KREMEN1: variants seen among roughly 807,000 people sequenced by gnomAD.
KREMEN1 encodes kremen protein 1.
In KREMEN1, 30 loss-of-function variants were observed where a neutral mutation model predicts 46.5. That is an observed-to-expected ratio of 0.65 (90% CI 0.48 to 0.88). The LOEUF (loss-of-function observed/expected upper bound fraction) is 0.88, where lower values mean the gene tolerates loss of function less well. Among genes scored for constraint, KREMEN1 ranks in the 40% least tolerant of loss-of-function variants. The pLI is 0.00. For missense variants in KREMEN1, 533 were observed against 596.9 expected (o/e 0.89, Z 1.11); for synonymous variants, 214 against 230.6 (o/e 0.93, Z 0.65).
In KREMEN1 at chr22:29,143,539, G is replaced by A. The variant is rs574402671; in HGVS notation, c.*1427G>A. Reference sequence around the variant, plus strand: ...GGGTGGATCACGAGGTCAGGTGATCGAAACCATCCTGGCTAAGATGGTGAA... The same window carrying A: ...GGGTGGATCACGAGGTCAGGTGATCAAAACCATCCTGGCTAAGATGGTGAA... On this transcript the variant is annotated 3_prime_UTR_variant, in exon 9 of 9. Coordinates refer to ENST00000400335, the MANE Select transcript of KREMEN1 (RefSeq NM_001039570.3). 6.8e-5 allele frequency: 58 copies of A among 855,940 alleles called. No homozygotes were observed. Among genetic ancestry groups the A allele is most frequent in the East Asian group, 4.9e-4 (4 of 8,152 alleles). The allele number at this position is 855,940 out of a possible 1,614,324, so 53.0% of individuals were successfully genotyped here. A position where few individuals can be genotyped will look rare whatever the true frequency, so the allele number is the denominator to read the frequency against.
chr22:29,143,454 C>A lies in KREMEN1; in HGVS notation c.*1342C>A. The stretch of plus-strand genomic sequence containing the variant: ...CCCCCGTGTTAAAAGATAAAAAACA[C>A]CCCAAGGGCCGGGCGCGGTGGCTCA... On this transcript the variant is annotated 3_prime_UTR_variant, in exon 9 of 9. Coordinates refer to ENST00000400335, the MANE Select transcript of KREMEN1 (RefSeq NM_001039570.3). 1 of 985,228 alleles carries A rather than the reference C, an allele frequency of 1.0e-6. No individual in the cohort carries two copies. Among genetic ancestry groups the A allele is most frequent in the Non-Finnish European group, 1.2e-6 (1 of 829,966 alleles). The allele number at this position is 985,228 out of a possible 1,614,324, so 61.0% of individuals were successfully genotyped here.
chr22:29,084,392 C>T (rs1019203227), intron 1 of KREMEN1, among the ~76,000 whole-genome samples: 1 of 152,146 alleles, frequency 6.6e-6, no homozygotes, highest in Admixed American at 6.5e-5. Context: ...TGGAGTGGCT[C>T]TGACTCAAAT....
rs2038866862 is a variant in KREMEN1, at chr22:29,146,520, C to T, written c.*4408C>T. The T allele has an allele frequency of 2.0e-6, 2 of 985,616 alleles. No individual in the cohort carries two copies. The highest frequency in any genetic ancestry group is 4.7e-5 in the South Asian group (1 of 21,288). 61.1% of individuals were successfully genotyped at this position (985,616 alleles called of 1,614,324 possible). ...TCCCCGCCCGCACGGGAGCTGCCATCGTGGGTCTCATGCACGTCAAGACCT... is the reference window on the plus strand; with the variant it reads ...TCCCCGCCCGCACGGGAGCTGCCATTGTGGGTCTCATGCACGTCAAGACCT... On this transcript the variant is annotated 3_prime_UTR_variant, in exon 9 of 9. Coordinates refer to ENST00000400335, the MANE Select transcript of KREMEN1 (RefSeq NM_001039570.3).
At chr22:29,092,240 G>A (rs1180389679) in intron 1 of KREMEN1, among the ~76,000 whole-genome samples, 1 of 152,216 alleles carries the variant, frequency 6.6e-6, no homozygotes, top group Admixed American at 6.5e-5. Flanking sequence ...CGAATCGGAA[G>A]TGGAGTGAGG....
chr22:29,163,457 A>G (rs931190143), intron 9 of KREMEN1, among the ~76,000 whole-genome samples: 2 of 151,704 alleles, frequency 1.3e-5, no homozygotes, highest in African/African-American at 4.8e-5. Context: ...GGCTCACTGC[A>G]ATATCCGCCT....
Position 29,144,419 on chromosome 22 carries a change from C to G in KREMEN1, c.*2307C>G. On this transcript the variant is annotated 3_prime_UTR_variant, in exon 9 of 9. Transcript: ENST00000400335. ...AGGCAGGCAGGGGCAGGACTGCCAC[C>G]CCAGGCCCCGTGGGAGGCCTGCTGA... The G allele has an allele frequency of 1.0e-6, 1 of 985,582 alleles. No homozygotes were observed. Among genetic ancestry groups the G allele is most frequent in the Non-Finnish European group, 1.2e-6 (1 of 830,042 alleles). 61.1% of individuals were successfully genotyped at this position (985,582 alleles called of 1,614,324 possible). A position where few individuals can be genotyped will look rare whatever the true frequency, so the allele number is the denominator to read the frequency against.
chr22:29,137,294 G>A (rs1249576173), intron 5 of KREMEN1, 48 bp from the exon 6 acceptor site: 9 of 1,333,548 alleles, frequency 6.7e-6, no homozygotes, highest in Non-Finnish European at 7.9e-6. Flanking sequence ...AAGCGCGCCT[G>A]TGGCAAAGGC....
Position 29,138,639 on chromosome 22 carries a change from T to G in KREMEN1, c.980T>G (p.Leu327Arg), listed in dbSNP as rs778731973. ...TCTCTTCCAGCCGTCAAGGAAGAAC[T>G]GCCACAGGAGAGGCCCGCTGTCAAC... ...AVLYQAVKEELPQERPAVNQT... is the reference protein window; with the variant it reads ...AVLYQAVKEERPQERPAVNQT... The change falls in exon 7 of 9, where the codon CTG becomes CGG. Residue 327 changes from leucine to arginine, a missense_variant. Coordinates refer to ENST00000400335, the MANE Select transcript of KREMEN1 (RefSeq NM_001039570.3). The G allele has an allele frequency of 6.2e-7, 1 of 1,614,240 alleles. No individual in the cohort carries two copies. Among genetic ancestry groups the G allele is most frequent in the Non-Finnish European group, 8.5e-7 (1 of 1,180,040 alleles).
At position 29,090,064 on chromosome 22, in the gene KREMEN1, G is replaced by C. The variant is rs531133929; in HGVS notation, c.98-4194G>C. 2.0e-5 allele frequency among the ~76,000 whole-genome samples: 3 copies of C among 152,282 alleles called. No homozygotes were observed. In the South Asian group the frequency reaches 6.2e-4, roughly 32 times the overall value. ...AAACATGTAAGCTCCATGAATACAG[G>C]ATATTTGTTCATCTCTGTAGCCCCA... On this transcript the variant is annotated intron_variant, in intron 1 of 8. Transcript: ENST00000400335.
In KREMEN1 at chr22:29,131,734, ATG is replaced by A. The variant is rs1311616898; in HGVS notation, c.632-5604_632-5603del. On this transcript the variant is annotated intron_variant, in intron 5 of 8. Transcript: ENST00000400335. Reference sequence around the variant, plus strand: ...TGTATATATGTATATATATGTATATATGTGTATATATATGTATATATGTATAT... The same window carrying A: ...TGTATATATGTATATATATGTATATATGTATATATATGTATATATGTATAT... Among the ~76,000 whole-genome samples the A allele has an allele frequency of 4.3e-5, 6 of 137,970 alleles. 1 individual carries two copies. The highest frequency in any genetic ancestry group is 1.7e-4 in the African/African-American group (6 of 34,474). 90.5% of individuals were successfully genotyped at this position (137,970 alleles called of 152,430 possible). A position where few individuals can be genotyped will look rare whatever the true frequency, so the allele number is the denominator to read the frequency against.
intron 3 of KREMEN1, among the ~76,000 whole-genome samples, chr22:29,103,609 G>A (rs1045496832): frequency 2.0e-5 from 3 of 152,134 alleles, no homozygotes; most frequent in Non-Finnish European, 4.4e-5. Flanking sequence ...CAACGTCTTC[G>A]GGTTTAACAT....
chr22:29,085,525 G>T (rs527526463), intron 1 of KREMEN1, among the ~76,000 whole-genome samples: 104 of 152,254 alleles, frequency 6.8e-4, no homozygotes, highest in African/African-American at 2.4e-3. Context: ...AGATGTTCCT[G>T]ATTGTCTTAT....
chr22:29,142,228 C>T lies in KREMEN1; in HGVS notation c.*116C>T. 7.2e-7 allele frequency: 1 copy of T among 1,397,726 alleles called. No individual in the cohort carries two copies. The highest frequency in any genetic ancestry group is 1.8e-5 in the South Asian group (1 of 54,122). 86.6% of individuals were successfully genotyped at this position (1,397,726 alleles called of 1,614,324 possible). A position where few individuals can be genotyped will look rare whatever the true frequency, so the allele number is the denominator to read the frequency against. On this transcript the variant is annotated 3_prime_UTR_variant, in exon 9 of 9. Coordinates refer to ENST00000400335, the MANE Select transcript of KREMEN1 (RefSeq NM_001039570.3). ...TCCCCTCCTCTCCCTCTGCCTCGGCCTCTTCGGGGAAACCCTCCTCCTACA... is the reference window on the plus strand; with the variant it reads ...TCCCCTCCTCTCCCTCTGCCTCGGCTTCTTCGGGGAAACCCTCCTCCTACA...
intron 3 of KREMEN1, among the ~76,000 whole-genome samples, chr22:29,100,998 TC>T (rs1448464949): frequency 6.6e-6 from 1 of 152,244 alleles, no homozygotes; most frequent in Non-Finnish European, 1.5e-5. Context: ...ACGCCTGTAA[TC>T]CCAGGACTTT....
intron 9 of KREMEN1, among the ~76,000 whole-genome samples, chr22:29,164,739 T>C (rs2145878126): frequency 2.8e-5 from 2 of 72,632 alleles, no homozygotes; most frequent in African/African-American, 5.9e-5. Flanking sequence ...AGAGTGAAAC[T>C]CCATCTCAAA....
At chr22:29,159,651 TAAAC>T (rs132298) in intron 9 of KREMEN1, among the ~76,000 whole-genome samples, 128,408 of 151,118 alleles carry the variant, frequency 0.85, 54,715 homozygotes, top group Non-Finnish European at 0.9. Flanking sequence ...AATAAATAAA[TAAAC>T]AAACATTCAG....
At position 29,130,731 on chromosome 22, in the gene KREMEN1, G is replaced by A. The variant is rs553706234; in HGVS notation, c.631+5315G>A. Reference sequence around the variant, plus strand: ...CAAAGAAATGGACTCAGCTAGTATCGAGAAGGAGCAGGAAGATTGAAGAGA... The same window carrying A: ...CAAAGAAATGGACTCAGCTAGTATCAAGAAGGAGCAGGAAGATTGAAGAGA... On this transcript the variant is annotated intron_variant, in intron 5 of 8. Coordinates refer to ENST00000400335, the MANE Select transcript of KREMEN1 (RefSeq NM_001039570.3). Among the ~76,000 whole-genome samples the A allele has an allele frequency of 5.4e-4, 82 of 152,326 alleles. 2 individuals carry two copies. The South Asian group carries it at 0.017, about 31-fold the overall frequency.
intron 7 of KREMEN1, among the ~76,000 whole-genome samples, chr22:29,139,225 C>T (rs1205357874): frequency 6.6e-6 from 1 of 152,156 alleles, no homozygotes. Flanking sequence ...CCAAACACAA[C>T]CCCTGCCCTT....
At chr22:29,147,792 GGCAGGGGCACGT>G (rs2038883959), downstream of KREMEN1, among the ~76,000 whole-genome samples, 1 of 152,160 alleles carries the variant, frequency 6.6e-6, no homozygotes, top group South Asian at 2.1e-4. Flanking sequence ...GCACTCCCAG[GGCAGGGGCACGT>G]GCATGGGGCT....
Sources: gnomAD v4.1 joint callset for allele counts (sites outside exome capture counted in the v4.1 genomes callset) on GRCh38, gnomAD v4.1.1 for gene constraint, MANE v1.5 for transcripts, NCBI Gene and HGNC (gene_info 2026-07-23, HGNC 2026-07-21) for gene names.